The following COBL variants were observed in gnomAD, a reference collection of about 807,000 sequenced individuals.
The protein encoded by COBL is protein cordon-bleu.
A neutral mutation model predicts 98.8 loss-of-function variants in COBL; 51 were observed. That is an observed-to-expected ratio of 0.52 (90% CI 0.41 to 0.65). The LOEUF (loss-of-function observed/expected upper bound fraction) is 0.65, where lower values mean the gene tolerates loss of function less well. Among genes scored for constraint, COBL ranks in the 30% least tolerant of loss-of-function variants. COBL has a pLI of 0.00. For missense variants in COBL, 1,617 were observed against 1,617.5 expected (o/e 1.00, Z 0.01); for synonymous variants, 634 against 651.7 (o/e 0.97, Z 0.41).
At chr7:51,118,480 T>C (rs1178063634) in intron 6 of COBL, among the ~76,000 whole-genome samples, 1 of 152,034 alleles carries the variant, frequency 6.6e-6, no homozygotes, top group Non-Finnish European at 1.5e-5. Context: ...CCTCGCATCC[T>C]AGGGGCCACC....
intron 8 of COBL, chr7:51,035,154 A>G (rs141390543): frequency 2.0e-5 from 3 of 152,296 alleles, no homozygotes; most frequent in Admixed American, 2.0e-4. Context: ...GAGCCTCTGC[A>G]TTCATACCCC....
Position 51,043,646 on chromosome 7 carries a change from G to C in COBL, c.1143C>G (p.Ala381=), listed in dbSNP as rs1789418661. 1.9e-6 allele frequency: 3 copies of C among 1,614,168 alleles called. No individual in the cohort carries two copies. Among genetic ancestry groups the C allele is most frequent in the Non-Finnish European group, 2.5e-6 (3 of 1,180,044 alleles). ...GSGSHCSPDG[A]PQVLSEAEET... ...CCTCCGCCTCTGACAGCACCTGCGG[G>C]GCTCCATCCGGGCTGCAGTGGCTGC... is the stretch of plus-strand genomic sequence containing the variant. The change falls in exon 8 of 13, where the codon GCC becomes GCG. Residue 381 remains alanine (A), a synonymous_variant. Transcript: ENST00000265136.
intron 7 of COBL, among the ~76,000 whole-genome samples, chr7:51,047,984 T>G (rs1219196381): frequency 1.3e-5 from 2 of 152,122 alleles, no homozygotes; most frequent in African/African-American, 4.8e-5. Context: ...GTGGCCAACA[T>G]GGCAAAACCT....
chr7:51,260,189 G>A (rs1797589765), intron 1 of COBL: 1 of 795,066 alleles, frequency 1.3e-6, no homozygotes, highest in Non-Finnish European at 2.1e-6. Context: ...TGTAGCTACT[G>A]ATCATGCGTA....
chr7:51,045,300 G>A (rs78365353), intron 7 of COBL, among the ~76,000 whole-genome samples: 1,627 of 152,358 alleles, frequency 0.011, 20 homozygotes, highest in African/African-American at 0.037. Flanking sequence ...GCTGCCCACA[G>A]GGTCCCTGTT....
At chr7:51,263,742 C>A (rs552700242) in intron 1 of COBL, among the ~76,000 whole-genome samples, 3 of 152,162 alleles carry the variant, frequency 2.0e-5, no homozygotes, top group African/African-American at 7.2e-5. Context: ...GAGACAGAAC[C>A]AGCCAGACTG....
At chr7:51,309,922 C>T (rs1410587754) in intron 1 of COBL, among the ~76,000 whole-genome samples, 1 of 152,136 alleles carries the variant, frequency 6.6e-6, no homozygotes, top group Admixed American at 6.5e-5. Context: ...CTCAGAAGGC[C>T]TCCTGGGGGA....
rs964207072 is a variant in COBL at position 51,222,381 on chromosome 7, G to T, written c.42-2437C>A. On this transcript the variant is annotated intron_variant, in intron 1 of 12. Transcript: ENST00000265136. Reference sequence around the variant, plus strand: ...AATAGTCAACATATATGGCACCATTGTAAGGACTAAATATTTATTCAATTC... The same window carrying T: ...AATAGTCAACATATATGGCACCATTTTAAGGACTAAATATTTATTCAATTC... Among the ~76,000 whole-genome samples, 6 of 151,960 alleles carry T rather than the reference G, an allele frequency of 3.9e-5. No homozygotes were observed. The South Asian group carries it at 6.2e-4, about 16-fold the overall frequency.
intron 4 of COBL, among the ~76,000 whole-genome samples, chr7:51,188,598 G>A (rs1789776016): frequency 6.6e-6 from 1 of 152,206 alleles, no homozygotes. Flanking sequence ...TGGGGGTGGG[G>A]TGGAAAGGGC....
intron 1 of COBL, among the ~76,000 whole-genome samples, chr7:51,244,281 G>A (rs1351984638): frequency 6.6e-6 from 1 of 152,180 alleles, no homozygotes; most frequent in Non-Finnish European, 1.5e-5. Flanking sequence ...GGACCAGCAT[G>A]CCCCGGTGCC....
At chr7:51,193,294 C>T in intron 3 of COBL, 85 bp downstream of exon 3, 1 of 1,242,632 alleles carries the variant, frequency 8.0e-7, no homozygotes. Flanking sequence ...CTGCACTGTA[C>T]TTTGATAAGA....
intron 5 of COBL, among the ~76,000 whole-genome samples, chr7:51,177,812 AAAT>A (rs1177627694): frequency 4.7e-5 from 7 of 150,406 alleles, no homozygotes; most frequent in African/African-American, 1.7e-4. Flanking sequence ...ATAAATAAAT[AAAT>A]AAAAATTTAA....
chr7:51,182,337 G>A (rs975666550), intron 5 of COBL, among the ~76,000 whole-genome samples: 6 of 150,612 alleles, frequency 4.0e-5, no homozygotes, highest in African/African-American at 1.2e-4. Context: ...GCTGGAGTGC[G>A]CTAGCATGTT....
At chr7:51,181,033 T>A (rs943886689) in intron 5 of COBL, among the ~76,000 whole-genome samples, 1 of 152,160 alleles carries the variant, frequency 6.6e-6, no homozygotes, top group Non-Finnish European at 1.5e-5. Context: ...TGACTGAGGT[T>A]TCATTCTTGC....
chr7:51,224,243 G>T (rs770483864), intron 1 of COBL, among the ~76,000 whole-genome samples: 13 of 152,188 alleles, frequency 8.5e-5, no homozygotes, highest in Non-Finnish European at 1.3e-4. Flanking sequence ...CTATCATTAA[G>T]CTATGTATGA....
rs761058578 is a variant in COBL at position 51,190,867 on chromosome 7, G to A, written c.668C>T (p.Ala223Val). Residue 223 changes from alanine to valine, a missense_variant, in exon 4 of 13, where the codon GCG becomes GTG. By Grantham distance (64) the Ala-to-Val change is moderately conservative. Around this residue, in one of 3 missense-constraint regions of COBL, gnomAD observed 75 missense variants for 120.5 expected, o/e 0.62. Coordinates refer to ENST00000265136, the MANE Select transcript of COBL (RefSeq NM_015198.5). ...LNELGIKELY[A>V]WDNRRETFRK... ...GGCCTCACCTCTTCTGTTGTCCCAC[G>A]CGTAGAGCTCCTTTATCCCGAGCTC... The A allele has an allele frequency of 1.7e-5, 28 of 1,613,732 alleles. No homozygotes were observed. The highest frequency in any genetic ancestry group is 3.3e-4 in the Middle Eastern group (2 of 6,084).
chr7:51,118,221 C>A (rs1481131638), intron 6 of COBL, among the ~76,000 whole-genome samples: 1 of 152,018 alleles, frequency 6.6e-6, no homozygotes, highest in East Asian at 1.9e-4. Context: ...ATCACATTAC[C>A]ATTAGCTTGG....
intron 3 of COBL, among the ~76,000 whole-genome samples, chr7:51,191,766 G>A (rs974661772): frequency 1.3e-5 from 2 of 152,040 alleles, no homozygotes; most frequent in African/African-American, 2.4e-5. Context: ...CAGATAAAGT[G>A]GTAGTCATTT....
intron 1 of COBL, among the ~76,000 whole-genome samples, chr7:51,268,692 G>A (rs1206018259): frequency 2.0e-5 from 3 of 152,052 alleles, no homozygotes; most frequent in Non-Finnish European, 4.4e-5. Flanking sequence ...AGCATTTTGG[G>A]AGGCCAAGGT....
Sources: allele counts gnomAD v4.1 joint callset (sites outside exome capture counted in the v4.1 genomes callset), GRCh38; gene constraint gnomAD v4.1.1; regional missense constraint gnomAD v4.1.1; transcripts MANE v1.5; gene names NCBI Gene and HGNC (gene_info 2026-07-23, HGNC 2026-07-21).